The following OR9Q1 variants were observed in gnomAD, a reference collection of about 807,000 sequenced individuals.
The protein encoded by OR9Q1 is olfactory receptor family 9 subfamily Q member 1.
For missense variants in OR9Q1, 374 were observed against 378.8 expected (o/e 0.99, Z 0.11); for synonymous variants, 153 against 148.6 (o/e 1.03, Z -0.22).
intron 1 of OR9Q1, among the ~76,000 whole-genome samples, chr11:58,033,146 C>T (rs1375424325): frequency 1.3e-5 from 2 of 152,186 alleles, no homozygotes; most frequent in Admixed American, 6.5e-5. Flanking sequence ...AATGCTTATG[C>T]ACTGTTGGTG....
intron 2 of OR9Q1, among the ~76,000 whole-genome samples, chr11:58,164,227 C>T (rs962855032): frequency 6.6e-6 from 1 of 152,036 alleles, no homozygotes; most frequent in Non-Finnish European, 1.5e-5. Flanking sequence ...TTAAATCCTT[C>T]CACGTTCCTG....
chr11:58,101,400 G>T (rs1853782294), intron 2 of OR9Q1, among the ~76,000 whole-genome samples: 1 of 151,982 alleles, frequency 6.6e-6, no homozygotes. Context: ...GATGAACATT[G>T]TTTCATATGT....
At chr11:58,074,261 C>G (rs1030108374) in intron 2 of OR9Q1, among the ~76,000 whole-genome samples, 4 of 152,040 alleles carry the variant, frequency 2.6e-5, no homozygotes, top group Non-Finnish European at 5.9e-5. Flanking sequence ...CACTTCCTCT[C>G]CAGTATCTGT....
chr11:58,103,893 G>T (rs1031104461), intron 2 of OR9Q1, among the ~76,000 whole-genome samples: 1 of 152,178 alleles, frequency 6.6e-6, no homozygotes, highest in Non-Finnish European at 1.5e-5. Context: ...GTCTCAGTGG[G>T]TTAGACTTTG....
At chr11:58,057,160 T>G (rs1825976632) in intron 2 of OR9Q1, among the ~76,000 whole-genome samples, 1 of 151,944 alleles carries the variant, frequency 6.6e-6, no homozygotes, top group Admixed American at 6.6e-5. Context: ...ACCTGGTTAA[T>G]TTTTGTATTT....
intron 2 of OR9Q1, among the ~76,000 whole-genome samples, chr11:58,063,391 G>A (rs957918181): frequency 2.0e-5 from 3 of 152,080 alleles, no homozygotes; most frequent in African/African-American, 7.2e-5. Context: ...CTATAAGCCA[G>A]GCATTTTTCT....
chr11:58,104,998 T>A (rs1178391003), intron 2 of OR9Q1, among the ~76,000 whole-genome samples: 3 of 152,198 alleles, frequency 2.0e-5, no homozygotes, highest in Middle Eastern at 3.2e-3. Flanking sequence ...ATTTTCATCA[T>A]CTTTAATTTT....
intron 1 of OR9Q1, among the ~76,000 whole-genome samples, chr11:58,048,675 A>AT (rs1554965234): frequency 4.4e-4 from 19 of 43,116 alleles, no homozygotes; most frequent in South Asian, 2.9e-3. Flanking sequence ...ATCTTAAAAA[A>AT]AAAAATATAT....
chr11:58,054,717 GT>G (rs5792077), intron 1 of OR9Q1, among the ~76,000 whole-genome samples: 147,654 of 152,236 alleles, frequency 0.97, 71,763 homozygotes, highest in East Asian at 1. Context: ...GAGGTCAGAA[GT>G]TTTGAGACCA....
intron 2 of OR9Q1, among the ~76,000 whole-genome samples, chr11:58,160,119 T>G (rs1024683199): frequency 8.5e-5 from 13 of 152,180 alleles, no homozygotes; most frequent in Non-Finnish European, 1.5e-4. Context: ...AGAGGCCATG[T>G]GTGGAGTGTT....
intron 1 of OR9Q1, among the ~76,000 whole-genome samples, chr11:58,030,198 A>G (rs1853017323): frequency 6.6e-6 from 1 of 152,114 alleles, no homozygotes; most frequent in Admixed American, 6.5e-5. Flanking sequence ...TAAAAAGAAT[A>G]GCATTGCTTC....
intron 2 of OR9Q1, among the ~76,000 whole-genome samples, chr11:58,126,213 C>A (rs978161727): frequency 6.6e-6 from 1 of 152,206 alleles, no homozygotes; most frequent in Non-Finnish European, 1.5e-5. Flanking sequence ...AACCCATGAT[C>A]TCTTTGTTAG....
intron 1 of OR9Q1, chr11:58,026,863 G>T (rs1852979365): frequency 6.6e-6 from 1 of 152,080 alleles, no homozygotes; most frequent in Non-Finnish European, 1.5e-5. Flanking sequence ...ACTAGAGAAA[G>T]AAGTAATGAG....
At chr11:58,025,597 T>C (rs891905796) in intron 1 of OR9Q1, among the ~76,000 whole-genome samples, 5 of 152,204 alleles carry the variant, frequency 3.3e-5, no homozygotes, top group African/African-American at 1.2e-4. Context: ...TTGGATGCTC[T>C]GGAACTCTCG....
chr11:58,029,587 A>G (rs1853009384), intron 1 of OR9Q1, among the ~76,000 whole-genome samples: 1 of 152,262 alleles, frequency 6.6e-6, no homozygotes, highest in Admixed American at 6.5e-5. Context: ...AAAATGAGAT[A>G]GGAAGTAATC....
intron 1 of OR9Q1, among the ~76,000 whole-genome samples, chr11:58,035,083 C>A (rs955274407): frequency 2.6e-5 from 4 of 152,030 alleles, no homozygotes; most frequent in African/African-American, 9.7e-5. Context: ...GCCACCTTGG[C>A]CTCCCAAAGT....
chr11:58,045,446 C>G (rs182258148), intron 1 of OR9Q1: 11 of 152,300 alleles, frequency 7.2e-5, no homozygotes, highest in Admixed American at 6.5e-4. Context: ...ATTGGCCAGG[C>G]TGGTCTCGAA....
chr11:58,155,433 G>A (rs1219309861), intron 2 of OR9Q1, among the ~76,000 whole-genome samples: 2 of 152,264 alleles, frequency 1.3e-5, no homozygotes, highest in Admixed American at 6.5e-5. Flanking sequence ...CTTGAAGATC[G>A]TGTGGTTTAG....
intron 1 of OR9Q1, among the ~76,000 whole-genome samples, chr11:58,027,487 A>G (rs1852986986): frequency 6.6e-6 from 1 of 152,230 alleles, no homozygotes; most frequent in South Asian, 2.1e-4. Context: ...AACAAACAAA[A>G]TAAACCCACA....
Sources: allele counts gnomAD v4.1 joint callset (sites outside exome capture counted in the v4.1 genomes callset), GRCh38; gene constraint gnomAD v4.1.1; transcripts MANE v1.5; gene names NCBI Gene and HGNC (gene_info 2026-07-23, HGNC 2026-07-21).